The following STIM1 variants were observed in gnomAD, a reference collection of about 807,000 sequenced individuals.
STIM1 encodes the protein stromal interaction molecule 1.
STIM1 carries 25 observed loss-of-function variants against 74.7 expected under a neutral mutation model. That is an observed-to-expected ratio of 0.33 (90% CI 0.24 to 0.47). The LOEUF is 0.47. STIM1 is among the 20% of genes least tolerant of loss of function. The probability of loss-of-function intolerance (pLI) is 1.00; values close to 1 mark genes in which losing one functional copy is unlikely to be tolerated. For synonymous variants in STIM1, 328 were observed against 348.8 expected, an observed-to-expected ratio of 0.94 and a Z score of 0.66; for missense variants, 728 against 920.8, an observed-to-expected ratio of 0.79 and a Z score of 2.71.
chr11:4,026,346 G>A (rs1394000363), intron 3 of STIM1, among the ~76,000 whole-genome samples: 1 of 152,194 alleles, frequency 6.6e-6, no homozygotes, highest in Non-Finnish European at 1.5e-5. Flanking sequence ...AAAAACAGCA[G>A]CAGCAACGAC....
intron 1 of STIM1, among the ~76,000 whole-genome samples, chr11:3,886,854 T>A (rs1318092751): frequency 1.3e-5 from 2 of 151,640 alleles, no homozygotes; most frequent in African/African-American, 4.8e-5. Flanking sequence ...TACAAAAAAT[T>A]AGCCAGGTGT....
intron 1 of STIM1, among the ~76,000 whole-genome samples, chr11:3,934,161 G>A (rs2092905585): frequency 6.6e-6 from 1 of 152,176 alleles, no homozygotes; most frequent in Admixed American, 6.5e-5. Flanking sequence ...GCAGAATCCA[G>A]GGAATGGTGG....
intron 1 of STIM1, among the ~76,000 whole-genome samples, chr11:3,898,105 G>T (rs2092241619): frequency 6.6e-6 from 1 of 152,090 alleles, no homozygotes; most frequent in East Asian, 1.9e-4. Flanking sequence ...TTCCACAATG[G>T]TTGAACTAGT....
At chr11:4,005,283 C>T (rs538309497) in intron 2 of STIM1, among the ~76,000 whole-genome samples, 10 of 152,152 alleles carry the variant, frequency 6.6e-5, no homozygotes, top group South Asian at 2.1e-4. Flanking sequence ...CACATGCACG[C>T]GTATGTTTAT....
At chr11:3,897,432 C>G (rs538565891) in intron 1 of STIM1, among the ~76,000 whole-genome samples, 3 of 152,264 alleles carry the variant, frequency 2.0e-5, no homozygotes, top group South Asian at 4.1e-4. Context: ...TGGGTCCTGT[C>G]TATTCTGGGT....
intron 2 of STIM1, among the ~76,000 whole-genome samples, chr11:4,013,393 A>G (rs886843786): frequency 1.3e-5 from 2 of 152,292 alleles, no homozygotes; most frequent in Admixed American, 1.3e-4. Context: ...TATTGCCTCA[A>G]TTTCAGAACC....
At chr11:4,071,193 G>GT (rs2094401288) in intron 6 of STIM1, among the ~76,000 whole-genome samples, 1 of 152,110 alleles carries the variant, frequency 6.6e-6, no homozygotes, top group East Asian at 1.9e-4. Flanking sequence ...GTCAAATCAG[G>GT]TTTTTTTGGT....
chr11:3,945,590 C>G (rs950481785), intron 1 of STIM1, among the ~76,000 whole-genome samples: 1 of 152,060 alleles, frequency 6.6e-6, no homozygotes, highest in African/African-American at 2.4e-5. Context: ...CACAGTAAGA[C>G]TCTGTCTCAA....
intron 2 of STIM1, among the ~76,000 whole-genome samples, chr11:4,014,936 A>T (rs2093880692): frequency 6.6e-6 from 1 of 152,148 alleles, no homozygotes; most frequent in Admixed American, 6.5e-5. Context: ...TTTTGAGCCT[A>T]TGTGTGTCTT....
chr11:4,070,438 G>A (rs1264847484), intron 6 of STIM1, among the ~76,000 whole-genome samples: 1 of 152,210 alleles, frequency 6.6e-6, no homozygotes, highest in Non-Finnish European at 1.5e-5. Flanking sequence ...TAGCTTCAGA[G>A]GGAGAAATGT....
intron 2 of STIM1, among the ~76,000 whole-genome samples, chr11:4,017,972 T>C (rs2093914598): frequency 6.6e-6 from 1 of 152,194 alleles, no homozygotes. Flanking sequence ...TCTGTTCAAA[T>C]CCCTGTAACA....
chr11:3,971,345 C>T lies in STIM1; in HGVS notation c.270+3663C>T, dbSNP rs867848352. ...GAGATTGAGACCATCCTGGCTAACACGGTGAAACCCCGTCTCTACTAAAAA... is the reference window on the plus strand; with the variant it reads ...GAGATTGAGACCATCCTGGCTAACATGGTGAAACCCCGTCTCTACTAAAAA... On this transcript the variant is annotated intron_variant, in intron 2 of 12. Coordinates refer to ENST00000526596, the MANE Select transcript of STIM1 (RefSeq NM_001382567.1). Among the ~76,000 whole-genome samples the T allele has an allele frequency of 1.4e-3, 216 of 151,694 alleles. 1 individual carries two copies. Among genetic ancestry groups the T allele is most frequent in the Middle Eastern group, 3.4e-3 (1 of 290 alleles).
chr11:4,028,170 C>T (rs1448773558), intron 3 of STIM1, among the ~76,000 whole-genome samples: 1 of 152,132 alleles, frequency 6.6e-6, no homozygotes, highest in Non-Finnish European at 1.5e-5. Flanking sequence ...GCAGCCTCTG[C>T]CTCCTGGATT....
chr11:3,895,925 G>T, intron 1 of STIM1, among the ~76,000 whole-genome samples: 1 of 127,680 alleles, frequency 7.8e-6, no homozygotes. Flanking sequence ...TTTTTTTTGA[G>T]ATGGAGTCTT....
In STIM1 at chr11:4,023,971, A is replaced by G. The variant is rs1249312469; in HGVS notation, c.369A>G (p.Ala123=). Residue 123 remains alanine (A), a synonymous_variant, in exon 3 of 13, where the codon GCA becomes GCG. Coordinates refer to ENST00000526596, the MANE Select transcript of STIM1 (RefSeq NM_001382567.1). ...TCAGCGTGGAGGACCTGTGGAAGGCATGGAAGTCATCAGAAGGTAATAGGC... is the reference window on the plus strand; with the variant it reads ...TCAGCGTGGAGGACCTGTGGAAGGCGTGGAAGTCATCAGAAGGTAATAGGC... ...KLISVEDLWK[A]WKSSEVYNWT... 6.2e-7 allele frequency: 1 copy of G among 1,614,038 alleles called. No individual in the cohort carries two copies.
chr11:4,035,309 C>T (rs1351285319), intron 3 of STIM1, among the ~76,000 whole-genome samples: 4 of 148,652 alleles, frequency 2.7e-5, no homozygotes, highest in Non-Finnish European at 4.4e-5. Flanking sequence ...TTATTAGTAG[C>T]GCAGACGAAT....
chr11:3,871,861 A>G (rs959533045), intron 1 of STIM1, among the ~76,000 whole-genome samples: 5 of 152,182 alleles, frequency 3.3e-5, no homozygotes, highest in African/African-American at 1.2e-4. Flanking sequence ...TACAAGGTTG[A>G]TGTGTGCAGA....
chr11:4,005,734 A>G (rs1203112098), intron 2 of STIM1, among the ~76,000 whole-genome samples: 1 of 152,142 alleles, frequency 6.6e-6, no homozygotes, highest in Non-Finnish European at 1.5e-5. Context: ...TATAATAATA[A>G]TAATAAAAAA....
intron 7 of STIM1, 84 bp from the exon 8 acceptor site, chr11:4,082,097 TAAG>T (rs956007663): frequency 2.9e-6 from 4 of 1,356,308 alleles, no homozygotes; most frequent in Admixed American, 3.4e-5. Flanking sequence ...GTAAAGCAGA[TAAG>T]AAGTCTGAGT....
Sources: allele counts gnomAD v4.1 joint callset (sites outside exome capture counted in the v4.1 genomes callset), GRCh38; gene constraint gnomAD v4.1.1; transcripts MANE v1.5; gene names NCBI Gene and HGNC (gene_info 2026-07-23, HGNC 2026-07-21).